CES1: variants seen among roughly 807,000 people sequenced by gnomAD.
CES1 encodes the protein liver carboxylesterase 1.
A neutral mutation model predicts 53.0 loss-of-function variants in CES1; 50 were observed. That is an observed-to-expected ratio of 0.94 (90% confidence interval 0.75 to 1.19). The LOEUF (loss-of-function observed/expected upper bound fraction) is 1.19, where lower values mean the gene tolerates loss of function less well. CES1 is among the 50% of genes most tolerant of loss of function. The pLI is 0.00. For missense variants in CES1, 534 were observed against 538.0 expected (o/e 0.99, Z 0.07); for synonymous variants, 202 against 210.1 (o/e 0.96, Z 0.33).
intron 4 of CES1, among the ~76,000 whole-genome samples, chr16:55,822,291 A>T (rs1239908257): frequency 6.6e-6 from 1 of 152,242 alleles, no homozygotes; most frequent in African/African-American, 2.4e-5. Context: ...CAGGGATCTG[A>T]AAGTGTTAAA....
intron 7 of CES1, among the ~76,000 whole-genome samples, chr16:55,818,372 T>C (rs111303103): frequency 2.6e-5 from 4 of 152,360 alleles, no homozygotes; most frequent in African/African-American, 9.6e-5. Context: ...TTCTGGGTCC[T>C]ACAGTGTTGC....
intron 1 of CES1, among the ~76,000 whole-genome samples, chr16:55,832,765 T>C (rs2032733368): frequency 6.6e-6 from 1 of 152,224 alleles, no homozygotes; most frequent in South Asian, 2.1e-4. Flanking sequence ...GGGCCGGCTG[T>C]CGGCCTGCAT....
At position 55,811,012 on chromosome 16, in the gene CES1, T is replaced by TGA. The variant is rs1555511768; in HGVS notation, c.1087-3_1087-2insTC. The TGA allele has an allele frequency of 1.9e-5, 27 of 1,409,500 alleles. No individual in the cohort carries two copies. In the African/African-American group the frequency reaches 3.5e-4, roughly 18 times the overall value. 87.3% of individuals were successfully genotyped at this position (1,409,500 alleles called of 1,614,324 possible). Reference sequence around the variant, plus strand: ...GGAGAGTGGATAGCTCATCAACTGCTAAAAAAAAAAAAAAGTTCAGCATTT... The same window carrying TGA: ...GGAGAGTGGATAGCTCATCAACTGCTGAAAAAAAAAAAAAAAGTTCAGCATTT... On this transcript the variant is annotated splice_polypyrimidine_tract_variant and splice_region_variant and intron_variant, in intron 9 of 13. Transcript: ENST00000360526.
chr16:55,824,698 G>A (rs1165107385), intron 3 of CES1, among the ~76,000 whole-genome samples: 1 of 152,248 alleles, frequency 6.6e-6, no homozygotes, highest in Non-Finnish European at 1.5e-5. Context: ...TAGGGCAGGG[G>A]TATGAGCCTG....
chr16:55,820,816 C>T (rs1205506566), intron 5 of CES1, among the ~76,000 whole-genome samples: 1 of 152,102 alleles, frequency 6.6e-6, no homozygotes, highest in Admixed American at 6.6e-5. Context: ...GCCTGCCTCC[C>T]CTAGCCCACT....
At chr16:55,820,960 C>T (rs746545100) in intron 5 of CES1, among the ~76,000 whole-genome samples, 53 of 152,198 alleles carry the variant, frequency 3.5e-4, no homozygotes, top group Non-Finnish European at 4.4e-4. Flanking sequence ...CAAACAATGA[C>T]CTCTGTCCAC....
At chr16:55,814,814 G>A in intron 8 of CES1, among the ~76,000 whole-genome samples, 1 of 152,248 alleles carries the variant, frequency 6.6e-6, no homozygotes, top group Non-Finnish European at 1.5e-5. Context: ...CTGCCTGGGG[G>A]AGATGTTCTG....
intron 2 of CES1, among the ~76,000 whole-genome samples, chr16:55,826,674 A>G (rs2032430691): frequency 6.6e-6 from 1 of 152,154 alleles, no homozygotes; most frequent in Non-Finnish European, 1.5e-5. Context: ...TGTCTCTCCC[A>G]TGCATTTATG....
chr16:55,815,325 T>A (rs2031891524), intron 8 of CES1, among the ~76,000 whole-genome samples: 1 of 151,924 alleles, frequency 6.6e-6, no homozygotes, highest in African/African-American at 2.4e-5. Flanking sequence ...TTTTAAGAAG[T>A]GGGGGTGACG....
chr16:55,825,081 T>G (rs1443383220), intron 3 of CES1, among the ~76,000 whole-genome samples: 10 of 152,230 alleles, frequency 6.6e-5, no homozygotes, highest in Non-Finnish European at 1.2e-4. Flanking sequence ...GCAAGATCCT[T>G]GAAGGCAGGG....
intron 5 of CES1, 134 bp from the exon 6 acceptor site, chr16:55,820,613 TGCCCACCTCAAGGAGGTG>T (rs1395268586): frequency 1.4e-6 from 2 of 1,439,356 alleles, no homozygotes; most frequent in Non-Finnish European, 1.9e-6. Context: ...GCTGACCCTC[TGCCCACCTCAAGGAGGTG>T]GAAGTCTTCC....
intron 9 of CES1, among the ~76,000 whole-genome samples, chr16:55,811,222 A>AT (rs1291014327): frequency 6.6e-6 from 1 of 150,552 alleles, no homozygotes; most frequent in Non-Finnish European, 1.5e-5. Context: ...AAAAAAAAAA[A>AT]CAAAAAACAA....
chr16:55,829,007 A>G, intron 1 of CES1, 33 bp from the exon 2 acceptor site: 1 of 1,570,250 alleles, frequency 6.4e-7, no homozygotes, highest in Non-Finnish European at 8.6e-7. Flanking sequence ...GATGCATCAG[A>G]GGCAAAAGGC....
At chr16:55,820,000 T>G (rs1382409766) in intron 6 of CES1, 1 of 541,068 alleles carries the variant, frequency 1.8e-6, no homozygotes, top group East Asian at 3.2e-5. Context: ...TACCAGCCAT[T>G]AGGCAGACCC....
chr16:55,828,085 G>T (rs1164040240), intron 2 of CES1: 3 of 152,700 alleles, frequency 2.0e-5, no homozygotes, highest in African/African-American at 7.2e-5. Flanking sequence ...TGGGCTGCTG[G>T]AAAGCCTCCG....
intron 1 of CES1, among the ~76,000 whole-genome samples, chr16:55,832,375 A>G (rs7188256): frequency 0.067 from 9,785 of 146,722 alleles, 329 homozygotes; most frequent in African/African-American, 0.12. Flanking sequence ...ACCACAGCTC[A>G]AATTTTCTAT....
At chr16:55,818,914 C>T (rs779878515) in intron 7 of CES1, among the ~76,000 whole-genome samples, 45 of 151,936 alleles carry the variant, frequency 3.0e-4, no homozygotes, top group Non-Finnish European at 5.3e-4. Flanking sequence ...GCTGGATGAT[C>T]CATGAATGGT....
At chr16:55,830,982 C>G (rs1244835395) in intron 1 of CES1, among the ~76,000 whole-genome samples, 1 of 152,096 alleles carries the variant, frequency 6.6e-6, no homozygotes, top group Non-Finnish European at 1.5e-5. Flanking sequence ...TTTACACAGG[C>G]TCGGTGGAGA....
chr16:55,817,316 G>A (rs773794302), intron 7 of CES1, among the ~76,000 whole-genome samples: 1 of 152,220 alleles, frequency 6.6e-6, no homozygotes, highest in Admixed American at 6.5e-5. Flanking sequence ...GAAGGACAGA[G>A]AATGGTAGAT....
Sources: allele counts gnomAD v4.1 joint callset (sites outside exome capture counted in the v4.1 genomes callset), GRCh38; gene constraint gnomAD v4.1.1; transcripts MANE v1.5; gene names NCBI Gene and HGNC (gene_info 2026-07-23, HGNC 2026-07-21).